The following HK1 variants were observed in gnomAD, a reference collection of about 807,000 sequenced individuals.
HK1 encodes the protein hexokinase-1.
HK1 carries 28 observed loss-of-function variants against 91.6 expected under a neutral mutation model. The ratio of observed to expected loss-of-function variants is 0.31; its 90% CI spans 0.23 to 0.42. The LOEUF is 0.42. Among genes scored for constraint, HK1 ranks in the 10% least tolerant of loss-of-function variants. HK1 has a pLI of 1.00. For synonymous variants in HK1, 430 were observed against 468.1 expected, an observed-to-expected ratio of 0.92 and a Z score of 1.05; for missense variants, 770 against 1,219.8, an observed-to-expected ratio of 0.63 and a Z score of 5.49.
At chr10:69,316,861 C>A (rs1222442384), upstream of HK1, among the ~76,000 whole-genome samples, 2 of 152,320 alleles carry the variant, frequency 1.3e-5, no homozygotes, top group South Asian at 4.1e-4. Context: ...GTTTCCAGCC[C>A]TGTGAGCTTG....
chr10:69,389,365 T>A, intron 14 of HK1, 69 bp downstream of exon 14: 1 of 1,133,172 alleles, frequency 8.8e-7, no homozygotes, highest in Non-Finnish European at 1.3e-6. Context: ...TGTGGGGCCT[T>A]GGCCCAGCAG....
intron 16 of HK1, 34 bp downstream of exon 16, chr10:69,395,139 C>G: frequency 6.2e-7 from 1 of 1,608,648 alleles, no homozygotes. Flanking sequence ...CCAGCGCCCA[C>G]CCTTCAGAGG....
At chr10:69,368,307 T>C (rs1312154979) in intron 4 of HK1, among the ~76,000 whole-genome samples, 1 of 152,244 alleles carries the variant, frequency 6.6e-6, no homozygotes. Flanking sequence ...AACTGGATAT[T>C]GTGAGCAGGT....
chr10:69,279,964 T>G (rs1453359197), intron 1 of HK1, among the ~76,000 whole-genome samples: 1 of 152,170 alleles, frequency 6.6e-6, no homozygotes, highest in Non-Finnish European at 1.5e-5. Flanking sequence ...GATCAGCGAT[T>G]GTGTCTTCAC....
Position 69,401,379 on chromosome 10 carries a change from T to A in HK1, c.*244T>A. 1.7e-6 allele frequency: 1 copy of A among 589,744 alleles called. No individual in the cohort carries two copies. The highest frequency in any genetic ancestry group is 3.1e-4 in the Middle Eastern group (1 of 3,246). 36.5% of individuals were successfully genotyped at this position (589,744 alleles called of 1,614,324 possible). ...CACTTTGCATGGTTTGATTTTGACC[T>A]GGTCCCCCACGTGTGAAGTGTAGTG... On this transcript the variant is annotated 3_prime_UTR_variant, in exon 18 of 18. Transcript: ENST00000359426.
At chr10:69,386,984 A>G (rs1178743750) in intron 13 of HK1, among the ~76,000 whole-genome samples, 1 of 152,026 alleles carries the variant, frequency 6.6e-6, no homozygotes, top group Non-Finnish European at 1.5e-5. Context: ...TGAAAAAGAG[A>G]GAAGCAGCCC....
chr10:69,392,298 G>C lies in HK1; in HGVS notation c.2209G>C (p.Gly737Arg). 1 of 1,614,172 alleles carries C rather than the reference G, an allele frequency of 6.2e-7. No individual in the cohort carries two copies. Residue 737 changes from glycine to arginine, a missense_variant, in exon 15 of 18, where the codon GGG becomes CGG. Coordinates refer to ENST00000359426, the MANE Select transcript of HK1 (RefSeq NM_000188.3). ...RLVDEYSLNA[G>R]KQRYEKMISG... ...GGTGGACGAATATTCCCTAAATGCT[G>C]GGAAACAAAGGTAACCCCGCCTGGT...
At chr10:69,304,015 T>TG (rs976063032) in intron 5 of HK1, among the ~76,000 whole-genome samples, 1 of 152,138 alleles carries the variant, frequency 6.6e-6, no homozygotes, top group Non-Finnish European at 1.5e-5. Context: ...TTTATCAATC[T>TG]GGGGGGTGCC....
Position 69,395,100 on chromosome 10 carries a change from C to A in HK1, c.2370C>A (p.Ile790=), listed in dbSNP as rs150711083. ...GIFETKFLSQ[I]ESDRLALLQV... is the part of the protein sequence containing the mutation. ...TTGAGACCAAGTTTCTCTCTCAGAT[C>A]GAGAGGTGAGTGGGCAGTGTCTTCC... is the stretch of plus-strand genomic sequence containing the variant. Residue 790 remains isoleucine (I), a synonymous_variant, in exon 16 of 18, where the codon ATC becomes ATA. Coordinates refer to ENST00000359426, the MANE Select transcript of HK1 (RefSeq NM_000188.3). 9.3e-6 allele frequency: 15 copies of A among 1,613,544 alleles called. No individual in the cohort carries two copies. In the African/African-American group the frequency reaches 1.6e-4, roughly 17 times the overall value.
At chr10:69,354,837 G>A (rs1348367284) in intron 2 of HK1, among the ~76,000 whole-genome samples, 1 of 152,126 alleles carries the variant, frequency 6.6e-6, no homozygotes, top group East Asian at 1.9e-4. Flanking sequence ...GGAGGCCAAG[G>A]CAGGTGGATC....
chr10:69,311,504 T>C (rs1390218070), upstream of HK1, among the ~76,000 whole-genome samples: 1 of 152,350 alleles, frequency 6.6e-6, no homozygotes, highest in East Asian at 1.9e-4. Flanking sequence ...GATTTGAGAT[T>C]GCTCTGGTCC....
chr10:69,301,350 G>A (rs1054050305), intron 5 of HK1, among the ~76,000 whole-genome samples: 7 of 151,212 alleles, frequency 4.6e-5, no homozygotes, highest in South Asian at 4.2e-4. Flanking sequence ...GTGGTGAGTG[G>A]GTCACCTGAG....
intron 1 of HK1, among the ~76,000 whole-genome samples, chr10:69,324,771 G>A (rs933927695): frequency 2.0e-5 from 3 of 152,084 alleles, no homozygotes; most frequent in Admixed American, 6.6e-5. Flanking sequence ...CCCCAGTTCT[G>A]GGGATGTGTT....
intron 1 of HK1, chr10:69,338,496 A>G (rs757266959): frequency 9.3e-6 from 12 of 1,287,908 alleles, no homozygotes; most frequent in Middle Eastern, 2.1e-4. Context: ...GTCTTCTGAT[A>G]GATGGTCCAC....
At chr10:69,309,495 T>A (rs1202352430) in intron 5 of HK1, among the ~76,000 whole-genome samples, 133 of 46,928 alleles carry the variant, frequency 2.8e-3, no homozygotes, top group African/African-American at 1.0e-2. Flanking sequence ...TTTGTCTCAT[T>A]AAAAAAAAAA....
chr10:69,399,437 G>C (rs866598340), intron 17 of HK1, among the ~76,000 whole-genome samples: 2 of 152,248 alleles, frequency 1.3e-5, no homozygotes, highest in Admixed American at 1.3e-4. Flanking sequence ...GCTTGAGCCT[G>C]GGAGGTGGAG....
At chr10:69,278,403 C>G (rs1844568961) in intron 1 of HK1, 1 of 152,252 alleles carries the variant, frequency 6.6e-6, no homozygotes, top group Non-Finnish European at 1.5e-5. Context: ...CCGGTAGCTG[C>G]TACATGGAAA....
At chr10:69,294,246 T>C (rs932401751) in intron 3 of HK1, among the ~76,000 whole-genome samples, 2 of 152,100 alleles carry the variant, frequency 1.3e-5, no homozygotes, top group African/African-American at 4.8e-5. Flanking sequence ...AGTTCTGGAG[T>C]TGCTGTGAGT....
chr10:69,331,746 C>T (rs1346795386), intron 1 of HK1, among the ~76,000 whole-genome samples: 6 of 151,996 alleles, frequency 3.9e-5, no homozygotes, highest in Non-Finnish European at 8.8e-5. Flanking sequence ...CATGGTGGCA[C>T]ACATCTATGG....
Sources: allele counts gnomAD v4.1 joint callset (sites outside exome capture counted in the v4.1 genomes callset), GRCh38; gene constraint gnomAD v4.1.1; transcripts MANE v1.5; gene names NCBI Gene and HGNC (gene_info 2026-07-23, HGNC 2026-07-21).